USP34: variants seen among roughly 807,000 people sequenced by gnomAD.
The protein encoded by USP34 is ubiquitin specific peptidase 34.
A neutral mutation model predicts 460.3 loss-of-function variants in USP34; 70 were observed. The ratio of observed to expected loss-of-function variants is 0.15; its 90% CI spans 0.13 to 0.19. USP34 has a LOEUF of 0.19. Among genes scored for constraint, USP34 ranks in the 10% least tolerant of loss-of-function variants. USP34 has a pLI of 1.00. For synonymous variants in USP34, 1,647 were observed against 1,405.3 expected, an observed-to-expected ratio of 1.17 and a Z score of -3.85; for missense variants, 3,985 against 4,236.2, an observed-to-expected ratio of 0.94 and a Z score of 1.65.
In USP34 at chr2:61,331,313, T is replaced by A; in HGVS notation, c.2893A>T (p.Ile965Phe). 1 of 1,612,634 alleles carries A rather than the reference T, an allele frequency of 6.2e-7. No homozygotes were observed. Residue 965 changes from isoleucine to phenylalanine, a missense_variant, in exon 20 of 80, where the codon ATT becomes TTT. This residue lies in a region of USP34 where 1,114 missense variants were observed against 1,122.5 expected (regional missense o/e 0.99). Coordinates refer to ENST00000398571, the MANE Select transcript of USP34 (RefSeq NM_014709.4). ...KLFFDNLVYY[I>F]QTVREGRQKH... ...TGTCTTCCTTCTCTCACAGTTTGAA[T>A]GTAGTATACCAAATTATCAAAGAAA...
intron 8 of USP34, among the ~76,000 whole-genome samples, chr2:61,373,805 T>C (rs1229232961): frequency 1.3e-5 from 2 of 152,136 alleles, no homozygotes; most frequent in South Asian, 2.1e-4. Flanking sequence ...TACACAGATC[T>C]TGAATCTGAA....
chr2:61,364,757 C>T (rs971444989), intron 10 of USP34, among the ~76,000 whole-genome samples: 2 of 151,798 alleles, frequency 1.3e-5, no homozygotes, highest in Non-Finnish European at 1.5e-5. Flanking sequence ...GATGAAACCT[C>T]GTCACTATTA....
chr2:61,397,393 C>T (rs1048877427), intron 3 of USP34, among the ~76,000 whole-genome samples: 7 of 148,262 alleles, frequency 4.7e-5, no homozygotes, highest in Non-Finnish European at 1.0e-4. Context: ...CAGTGAGTCA[C>T]GATTGCACCA....
chr2:61,297,813 G>C (rs931459126), intron 29 of USP34, among the ~76,000 whole-genome samples: 2 of 152,162 alleles, frequency 1.3e-5, no homozygotes, highest in African/African-American at 2.4e-5. Flanking sequence ...CACGATCTCA[G>C]CTCACTGCAA....
intron 18 of USP34, among the ~76,000 whole-genome samples, chr2:61,338,863 T>C (rs977628878): frequency 2.6e-5 from 4 of 152,220 alleles, no homozygotes; most frequent in African/African-American, 7.2e-5. Context: ...ATATCTAATA[T>C]ATACAACTTG....
intron 21 of USP34, among the ~76,000 whole-genome samples, chr2:61,321,801 G>C (rs1481669391): frequency 6.6e-6 from 1 of 152,206 alleles, no homozygotes; most frequent in East Asian, 1.9e-4. Context: ...TAGTAAAAAT[G>C]ATTGGGGGAG....
intron 20 of USP34, 95 bp from the exon 21 acceptor site, chr2:61,325,552 G>A (rs1031347642): frequency 6.0e-5 from 40 of 661,456 alleles, no homozygotes; most frequent in Admixed American, 8.1e-5. Flanking sequence ...ACCAAAAATT[G>A]TTTTAATAAT....
rs375896839 is a variant in USP34, at chr2:61,188,403, C to T, written c.10340G>A (p.Cys3447Tyr). The T allele has an allele frequency of 1.4e-5, 22 of 1,614,104 alleles. No individual in the cohort carries two copies. In the African/African-American group the frequency reaches 2.8e-4, roughly 21 times the overall value. ...ACAGTGGAGGTCTTTAAATTCTTTA[C>T]AATCGTCATATCTACCATTGTTGGA... ...EQSNNGRYDD[C>Y]KEFKDLHCSK... The change falls in exon 80 of 80, where the codon TGT becomes TAT. Residue 3447 changes from cysteine (C) to tyrosine (Y), a missense_variant. Physicochemically the swap from Cys to Tyr is radical, Grantham distance 194 (BLOSUM62 -2). Coordinates refer to ENST00000398571, the MANE Select transcript of USP34 (RefSeq NM_014709.4).
intron 2 of USP34, among the ~76,000 whole-genome samples, chr2:61,418,299 C>G (rs1255400750): frequency 6.6e-6 from 1 of 152,000 alleles, no homozygotes; most frequent in South Asian, 2.1e-4. Flanking sequence ...AGGCTGGTCT[C>G]GAACTCCTGA....
At chr2:61,464,146 T>TA (rs1316833977) in intron 1 of USP34, among the ~76,000 whole-genome samples, 2 of 152,084 alleles carry the variant, frequency 1.3e-5, no homozygotes, top group Non-Finnish European at 2.9e-5. Flanking sequence ...TGGTGAAAAT[T>TA]AGTCTCGACT....
At chr2:61,205,143 A>C (rs1306519177) in intron 72 of USP34, among the ~76,000 whole-genome samples, 1 of 152,224 alleles carries the variant, frequency 6.6e-6, no homozygotes, top group East Asian at 1.9e-4. Context: ...TACAGGCATG[A>C]GCCAGCCCAG....
intron 1 of USP34, among the ~76,000 whole-genome samples, chr2:61,450,886 C>CAAAA (rs71405120): frequency 7.9e-6 from 1 of 127,354 alleles, no homozygotes; most frequent in African/African-American, 2.9e-5. Flanking sequence ...GGAGGAGATG[C>CAAAA]AAAAAAAAAA....
intron 1 of USP34, among the ~76,000 whole-genome samples, chr2:61,427,682 C>T (rs1485336070): frequency 6.6e-6 from 1 of 152,090 alleles, no homozygotes; most frequent in Non-Finnish European, 1.5e-5. Flanking sequence ...AGCTGAAAAA[C>T]GCAATTGGCA....
At chr2:61,268,648 T>A (rs899000613) in intron 41 of USP34, among the ~76,000 whole-genome samples, 3 of 151,984 alleles carry the variant, frequency 2.0e-5, no homozygotes, top group African/African-American at 7.2e-5. Flanking sequence ...AATAGGGTAA[T>A]TTTTGACTTA....
At chr2:61,288,554 C>T (rs1368345127) in intron 34 of USP34, 123 bp downstream of exon 34, 5 of 957,158 alleles carry the variant, frequency 5.2e-6, no homozygotes, top group Non-Finnish European at 7.9e-6. Context: ...AAAACAATGC[C>T]GTCAGTTCAG....
At chr2:61,252,153 A>G (rs1399389860) in intron 48 of USP34, among the ~76,000 whole-genome samples, 4 of 152,206 alleles carry the variant, frequency 2.6e-5, no homozygotes, top group Non-Finnish European at 5.9e-5. Context: ...TCTTTGGTTC[A>G]GAGTTTTCCT....
intron 41 of USP34, among the ~76,000 whole-genome samples, chr2:61,270,005 A>C (rs1413981836): frequency 2.6e-5 from 4 of 152,212 alleles, no homozygotes; most frequent in Admixed American, 2.0e-4. Flanking sequence ...TGAGCACTAG[A>C]ATTTATTACT....
chr2:61,371,525 TTG>T (rs1692626151), intron 8 of USP34, among the ~76,000 whole-genome samples: 1 of 151,910 alleles, frequency 6.6e-6, no homozygotes, highest in Admixed American at 6.5e-5. Context: ...TACAACGTGT[TTG>T]TGTTTTAAAT....
chr2:61,204,437 C>A, intron 73 of USP34, 57 bp from the exon 74 acceptor site: 1 of 1,613,110 alleles, frequency 6.2e-7, no homozygotes. Flanking sequence ...CTCCATGCTT[C>A]AGTGTGCAGA....
Sources: allele counts gnomAD v4.1 joint callset (sites outside exome capture counted in the v4.1 genomes callset), GRCh38; gene constraint gnomAD v4.1.1; regional missense constraint gnomAD v4.1.1; transcripts MANE v1.5; gene names NCBI Gene and HGNC (gene_info 2026-07-23, HGNC 2026-07-21).